Variants in NBPF14 observed in about 807,000 individuals in gnomAD.
The protein encoded by NBPF14 is NBPF family member NBPF14.
NBPF14 carries 104 observed loss-of-function variants against 91.2 expected under a neutral mutation model. The ratio of observed to expected loss-of-function variants is 1.14; its 90% CI spans 0.97 to 1.34. The LOEUF is 1.34. Ranked by LOEUF, NBPF14 falls within the 40% of genes most tolerant of loss-of-function variation. The probability of loss-of-function intolerance (pLI) is 0.00; values close to 1 mark genes in which losing one functional copy is unlikely to be tolerated. For synonymous variants in NBPF14, 294 were observed against 303.8 expected (o/e 0.97, Z 0.34); for missense variants, 908 against 783.0 (o/e 1.16, Z -1.91).
At chr1:148,532,444 G>A (rs1367462037) in exon 71 of NBPF14, 1 of 156,200 alleles carries the variant, frequency 6.4e-6, no homozygotes, top group Non-Finnish European at 1.4e-5. Flanking sequence ...ACACCAATTG[G>A]AGGCTGAAGG....
chr1:148,557,105 G>A (rs1180961240), intron 40 of NBPF14, among the ~76,000 whole-genome samples: 3 of 125,124 alleles, frequency 2.4e-5, no homozygotes, highest in African/African-American at 1.2e-4. Context: ...GAGAGAGAAC[G>A]AGCTCAGTGA....
chr1:148,566,538 C>T lies in NBPF14; in HGVS notation c.3543-223G>A, dbSNP rs1285710549. On this transcript the variant is annotated intron_variant, in intron 28 of 70. Transcript: ENST00000619423. ...ACACACACACACACACACACACACA[C>T]ACAAACACACACACACACACAGAGA... 1.9e-5 allele frequency among the ~76,000 whole-genome samples: 2 copies of T among 107,692 alleles called. 1 individual carries two copies. The highest frequency in any genetic ancestry group is 4.5e-5 in the Non-Finnish European group (2 of 44,530). The allele number at this position is 107,692 out of a possible 152,430, so 70.7% of individuals were successfully genotyped here.
chr1:148,557,155 C>G, intron 40 of NBPF14, among the ~76,000 whole-genome samples: 2 of 114,620 alleles, frequency 1.7e-5, no homozygotes, highest in East Asian at 5.6e-4. Flanking sequence ...TAACAGGACA[C>G]TCTGAGTTAG....
rs1318492086 is a variant in NBPF14 at position 148,566,372 on chromosome 1, C to A, written c.3543-57G>T. 3 of 748,606 alleles carry A rather than the reference C, an allele frequency of 4.0e-6. No individual in the cohort carries two copies. The Admixed American group carries it at 5.3e-5, about 13-fold the overall frequency. 46.4% of individuals were successfully genotyped at this position (748,606 alleles called of 1,614,324 possible). On this transcript the variant is annotated intron_variant, in intron 28 of 70. Transcript: ENST00000619423. Reference sequence around the variant, plus strand: ...CAGGGGAAATCAGACACAACAGAGCCTCAACTAGGTTTCATGGGTAGCATA... The same window carrying A: ...CAGGGGAAATCAGACACAACAGAGCATCAACTAGGTTTCATGGGTAGCATA...
intron 2 of NBPF14, 143 bp from the exon 3 acceptor site, chr1:148,593,843 C>G (rs1662885503): frequency 1.3e-6 from 1 of 762,530 alleles, no homozygotes; most frequent in African/African-American, 1.8e-5. Flanking sequence ...CACATCTTTA[C>G]TCTTCAGTCT....
At chr1:148,593,361 A>G (rs1413186369) in intron 3 of NBPF14, among the ~76,000 whole-genome samples, 1 of 148,516 alleles carries the variant, frequency 6.7e-6, no homozygotes, top group East Asian at 1.9e-4. Flanking sequence ...TGTTATGTAA[A>G]TTTCACCTCA....
chr1:148,566,349 G>T, intron 28 of NBPF14, 34 bp from the exon 29 acceptor site: 2 of 753,372 alleles, frequency 2.7e-6, no homozygotes, highest in Non-Finnish European at 4.8e-6. Flanking sequence ...GAATAAGCCA[G>T]GGGAAATCAG....
At chr1:148,585,647 G>C (rs1661394636) in intron 9 of NBPF14, among the ~76,000 whole-genome samples, 1 of 149,158 alleles carries the variant, frequency 6.7e-6, no homozygotes, top group African/African-American at 2.5e-5. Context: ...CCTCCAAGTG[G>C]CTTCTGCTGT....
At chr1:148,571,292 G>GAA (rs1471541508) in intron 22 of NBPF14, among the ~76,000 whole-genome samples, 3 of 86,964 alleles carry the variant, frequency 3.4e-5, no homozygotes, top group African/African-American at 2.2e-4. Context: ...GAGAGAGAGA[G>GAA]AACGAGCTCA....
At chr1:148,559,825 T>G (rs1223093351) in exon 37 of NBPF14, 2 of 1,535,200 alleles carry the variant, frequency 1.3e-6, no homozygotes, top group Admixed American at 3.6e-5. Context: ...AACACGCTGC[T>G]GCTCCAATAT....
At chr1:148,565,997 A>G in intron 29 of NBPF14, 146 bp downstream of exon 29, 1 of 187,592 alleles carries the variant, frequency 5.3e-6, no homozygotes, top group South Asian at 2.9e-5. Context: ...AGGTAGAACT[A>G]GAGTTTCATT....
chr1:148,592,534 G>T lies in NBPF14; in HGVS notation c.493+18C>A. 1 of 1,293,284 alleles carries T rather than the reference G, an allele frequency of 7.7e-7. No individual in the cohort carries two copies. Among genetic ancestry groups the T allele is most frequent in the Admixed American group, 1.7e-5 (1 of 58,252 alleles). The allele number at this position is 1,293,284 out of a possible 1,614,324, so 80.1% of individuals were successfully genotyped here. On this transcript the variant is annotated intron_variant, in intron 4 of 70. Transcript: ENST00000619423. ...TAAGCCTGGGGTTTTGGGTCATCAG[G>T]GCCTATGGCCACCTTACCTGGGCTG...
chr1:148,589,963 C>T (rs1362619614), intron 6 of NBPF14, among the ~76,000 whole-genome samples: 3 of 146,980 alleles, frequency 2.0e-5, no homozygotes, highest in Non-Finnish European at 3.0e-5. Context: ...AACTCCTGAG[C>T]TCAGGTGTTC....
At chr1:148,551,780 G>T (rs1656250494) in intron 47 of NBPF14, among the ~76,000 whole-genome samples, 196 bp downstream of exon 47, 1 of 18,002 alleles carries the variant, frequency 5.6e-5, no homozygotes, top group Admixed American at 7.3e-4. Flanking sequence ...AGACTAGGAA[G>T]AGAGTCTTGC....
Position 148,566,438 on chromosome 1 carries a change from A to T in NBPF14, c.3543-123T>A, listed in dbSNP as rs1441848611. ...AACTAAAAGGATAGATCCATTAATGAGGTAACAAATTGTTGCCTTCATGTT... is the reference window on the plus strand; with the variant it reads ...AACTAAAAGGATAGATCCATTAATGTGGTAACAAATTGTTGCCTTCATGTT... On this transcript the variant is annotated intron_variant, in intron 28 of 70. Transcript: ENST00000619423. 31 of 602,696 alleles carry T rather than the reference A, an allele frequency of 5.1e-5. 2 individuals are homozygous for T. The East Asian group carries it at 8.6e-4, about 17-fold the overall frequency. 37.3% of individuals were successfully genotyped at this position (602,696 alleles called of 1,614,324 possible).
chr1:148,576,582 TGA>T (rs1659784110), intron 15 of NBPF14, 121 bp from the exon 16 acceptor site: 1 of 347,820 alleles, frequency 2.9e-6, no homozygotes, highest in South Asian at 2.3e-5. Context: ...TAGGACACTG[TGA>T]GAGATATTCT....
Position 148,559,842 on chromosome 1 carries a change from G to C in NBPF14, c.4680C>G (p.Ala1560=), listed in dbSNP as rs1240079560. ...CACGCTGCTGCTCCAATATGTAAAA[G>C]GCACTTCTATAGGGCTGGCATGAGT... Residue 1560 remains alanine, a synonymous_variant, in exon 37 of 71, where the codon GCC becomes GCG. Coordinates refer to ENST00000619423, the Ensembl canonical transcript of NBPF14. 6.5e-6 allele frequency: 10 copies of C among 1,530,606 alleles called. 2 individuals carry two copies. In the South Asian group the frequency reaches 7.3e-5, roughly 11 times the overall value. 94.8% of individuals were successfully genotyped at this position (1,530,606 alleles called of 1,614,324 possible). A position where few individuals can be genotyped will look rare whatever the true frequency, so the allele number is the denominator to read the frequency against.
At chr1:148,538,976 T>C (rs1655440524) in intron 63 of NBPF14, among the ~76,000 whole-genome samples, 1 of 7,548 alleles carries the variant, frequency 1.3e-4, no homozygotes, top group Non-Finnish European at 3.0e-4. Flanking sequence ...TTCCCATCAG[T>C]TCAAAGAAAA....
intron 36 of NBPF14, 126 bp downstream of exon 36, chr1:148,560,458 A>G (rs1657656234): frequency 3.0e-6 from 1 of 330,164 alleles, no homozygotes; most frequent in African/African-American, 3.9e-5. Flanking sequence ...GAAAACCAAC[A>G]GCAATGACAG....
Sources: gnomAD v4.1 joint callset for allele counts (sites outside exome capture counted in the v4.1 genomes callset) on GRCh38, gnomAD v4.1.1 for gene constraint, MANE v1.5 for transcripts, NCBI Gene and HGNC (gene_info 2026-07-23, HGNC 2026-07-21) for gene names.